Variants in CAPZB observed in about 807,000 individuals in gnomAD.
CAPZB encodes the protein capping actin protein of muscle Z-line subunit beta, also known as F-actin-capping protein subunit beta.
In CAPZB, 2 loss-of-function variants were observed where a neutral mutation model predicts 38.1. That is an observed-to-expected ratio of 0.05 (90% CI 0.02 to 0.17). The LOEUF is 0.17. CAPZB is among the 10% of genes least tolerant of loss of function. The pLI, the probability that CAPZB is intolerant of heterozygous loss-of-function variation, is 1.00. For synonymous variants in CAPZB, 107 were observed against 127.4 expected (o/e 0.84, Z 1.08); for missense variants, 161 against 334.2 (o/e 0.48, Z 4.04).
intron 1 of CAPZB, among the ~76,000 whole-genome samples, chr1:19,445,683 G>C (rs904966): frequency 0.24 from 36,411 of 152,114 alleles, 4,628 homozygotes; most frequent in Non-Finnish European, 0.28. Context: ...AAAGTGAATG[G>C]TGAGCTGGGG....
chr1:19,397,616 T>G (rs2094279003), intron 2 of CAPZB, among the ~76,000 whole-genome samples: 1 of 152,156 alleles, frequency 6.6e-6, no homozygotes, highest in South Asian at 2.1e-4. Context: ...GAACGGAACC[T>G]CTCATACCAG....
intron 2 of CAPZB, among the ~76,000 whole-genome samples, chr1:19,406,478 C>T (rs929524477): frequency 3.3e-5 from 5 of 152,182 alleles, no homozygotes; most frequent in African/African-American, 1.2e-4. Context: ...TAACTTCTTG[C>T]CGGTGCTAAG....
intron 1 of CAPZB, among the ~76,000 whole-genome samples, chr1:19,424,091 C>T (rs1057396990): frequency 2.8e-4 from 43 of 152,158 alleles, no homozygotes; most frequent in African/African-American, 9.9e-4. Context: ...GGTTTGCAGG[C>T]GTGAGCCACT....
At chr1:19,454,438 T>C (rs1254078370) in intron 1 of CAPZB, among the ~76,000 whole-genome samples, 1 of 152,232 alleles carries the variant, frequency 6.6e-6, no homozygotes, top group African/African-American at 2.4e-5. Flanking sequence ...TTTGGAGGGC[T>C]TTCCTGCTGC....
At chr1:19,436,818 CAAG>C (rs1426136462) in intron 1 of CAPZB, among the ~76,000 whole-genome samples, 1 of 152,220 alleles carries the variant, frequency 6.6e-6, no homozygotes, top group Non-Finnish European at 1.5e-5. Flanking sequence ...GAGGAAGAAA[CAAG>C]AAAGTAAAAG....
At chr1:19,472,234 T>C (rs1365652859) in intron 1 of CAPZB, among the ~76,000 whole-genome samples, 3 of 152,002 alleles carry the variant, frequency 2.0e-5, no homozygotes, top group Non-Finnish European at 2.9e-5. Flanking sequence ...GTAAGAGAGG[T>C]TGTCATGAAC....
At chr1:19,431,933 C>A (rs2094443117) in intron 1 of CAPZB, among the ~76,000 whole-genome samples, 1 of 149,236 alleles carries the variant, frequency 6.7e-6, no homozygotes, top group Non-Finnish European at 1.5e-5. Context: ...TTTAAATTAG[C>A]CAGGTGTGGT....
At chr1:19,426,001 G>A (rs1337955535) in intron 1 of CAPZB, among the ~76,000 whole-genome samples, 1 of 152,230 alleles carries the variant, frequency 6.6e-6, no homozygotes, top group African/African-American at 2.4e-5. Context: ...GTTAGCCCTG[G>A]ATAAGCAGGT....
chr1:19,385,781 A>G (rs534345990), intron 2 of CAPZB, 155 bp from the exon 3 acceptor site: 1 of 855,394 alleles, frequency 1.2e-6, no homozygotes, highest in South Asian at 1.3e-5. Flanking sequence ...TCTTTTCCAC[A>G]TGTGTCTGAC....
At chr1:19,411,995 G>T (rs565561875) in intron 2 of CAPZB, among the ~76,000 whole-genome samples, 2 of 152,304 alleles carry the variant, frequency 1.3e-5, no homozygotes, top group East Asian at 3.9e-4. Context: ...CATGCCTCCT[G>T]CTCTCCCTGC....
intron 4 of CAPZB, among the ~76,000 whole-genome samples, chr1:19,373,972 T>G (rs2100400146): frequency 6.6e-6 from 1 of 152,290 alleles, no homozygotes; most frequent in African/African-American, 2.4e-5. Flanking sequence ...CACTAATCTT[T>G]TCAAGCAGGG....
At chr1:19,378,445 T>C (rs2094154662) in intron 4 of CAPZB, 95 bp downstream of exon 4, 1 of 755,858 alleles carries the variant, frequency 1.3e-6, no homozygotes, top group Non-Finnish European at 2.4e-6. Context: ...GGAGAATGCT[T>C]GGCCAGGTAA....
At chr1:19,428,609 A>G (rs1333929406) in intron 1 of CAPZB, among the ~76,000 whole-genome samples, 1 of 152,182 alleles carries the variant, frequency 6.6e-6, no homozygotes, top group East Asian at 1.9e-4. Flanking sequence ...CTGACATCTC[A>G]ATTTCATCTG....
At chr1:19,459,532 T>C (rs1375134213) in intron 1 of CAPZB, among the ~76,000 whole-genome samples, 1 of 152,022 alleles carries the variant, frequency 6.6e-6, no homozygotes, top group South Asian at 2.1e-4. Flanking sequence ...ACACCTGGGG[T>C]AGAATTTCTT....
chr1:19,463,466 C>A (rs2094558776), intron 1 of CAPZB, among the ~76,000 whole-genome samples: 1 of 152,204 alleles, frequency 6.6e-6, no homozygotes, highest in African/African-American at 2.4e-5. Context: ...AGGCTCATTT[C>A]CTTTACAGTT....
chr1:19,459,276 T>C (rs1340626942), intron 1 of CAPZB, among the ~76,000 whole-genome samples: 1 of 152,214 alleles, frequency 6.6e-6, no homozygotes, highest in Non-Finnish European at 1.5e-5. Context: ...TTAAAAATCA[T>C]TCAAACACAG....
intron 8 of CAPZB, 31 bp from the exon 9 acceptor site, chr1:19,339,648 T>C: frequency 6.5e-7 from 1 of 1,535,994 alleles, no homozygotes. Flanking sequence ...TATCAGCAGA[T>C]TGAACAGGGA....
At chr1:19,392,311 G>A (rs1185887831) in intron 2 of CAPZB, among the ~76,000 whole-genome samples, 1 of 151,988 alleles carries the variant, frequency 6.6e-6, no homozygotes, top group African/African-American at 2.4e-5. Flanking sequence ...AATGACCAAG[G>A]AGCCGGCCCT....
intron 2 of CAPZB, among the ~76,000 whole-genome samples, chr1:19,397,231 T>C (rs1349354514): frequency 1.3e-5 from 2 of 152,218 alleles, no homozygotes; most frequent in African/African-American, 2.4e-5. Flanking sequence ...CAACATTAAG[T>C]GAGGACTTAC....
Sources: allele counts gnomAD v4.1 joint callset (sites outside exome capture counted in the v4.1 genomes callset), GRCh38; gene constraint gnomAD v4.1.1; transcripts MANE v1.5; gene names NCBI Gene and HGNC (gene_info 2026-07-23, HGNC 2026-07-21).